FOXN3: variants seen among roughly 807,000 people sequenced by gnomAD.
FOXN3 encodes forkhead box protein N3.
FOXN3 carries 7 observed loss-of-function variants against 38.4 expected under a neutral mutation model. That is an observed-to-expected ratio of 0.18 (90% confidence interval 0.10 to 0.34). The LOEUF (loss-of-function observed/expected upper bound fraction) is 0.34. Ranked by LOEUF, FOXN3 falls within the 10% of genes least tolerant of loss-of-function variation. The probability of loss-of-function intolerance (pLI) is 1.00; values close to 1 mark genes in which losing one functional copy is unlikely to be tolerated. For missense variants in FOXN3, 456 were observed against 613.4 expected (o/e 0.74, Z 2.71); for synonymous variants, 230 against 242.2 (o/e 0.95, Z 0.47).
intron 1 of FOXN3, among the ~76,000 whole-genome samples, chr14:89,470,587 A>C (rs541436562): frequency 6.6e-6 from 1 of 152,318 alleles, no homozygotes; most frequent in African/African-American, 2.4e-5. Flanking sequence ...TCTCTCTGAG[A>C]TATTTTTTAT....
chr14:89,325,342 A>ACTACCACTACCACCACCG (rs1888041504), intron 3 of FOXN3, among the ~76,000 whole-genome samples: 1 of 133,840 alleles, frequency 7.5e-6, no homozygotes, highest in African/African-American at 2.7e-5. Context: ...CACCACCACC[A>ACTACCACTACCACCACCG]CCACCACCAC....
At chr14:89,353,029 G>A (rs1280896134) in intron 2 of FOXN3, among the ~76,000 whole-genome samples, 1 of 152,150 alleles carries the variant, frequency 6.6e-6, no homozygotes, top group Non-Finnish European at 1.5e-5. Flanking sequence ...CAAAAGCTAA[G>A]CAGAATAAAC....
rs114227298 is a variant in FOXN3 at position 89,224,381 on chromosome 14, G to C, written c.746-43575C>G. ...TAGGCTTATAAATAAAATGAGATCT[G>C]TGAACACCTGTCAAAAGCCTAAGGA... On this transcript the variant is annotated intron_variant, in intron 4 of 5. Coordinates refer to ENST00000557258, the MANE Select transcript of FOXN3 (RefSeq NM_005197.4). Among the ~76,000 whole-genome samples the C allele has an allele frequency of 8.5e-3, 1,297 of 152,300 alleles. 21 individuals carry two copies. Among genetic ancestry groups the C allele is most frequent in the African/African-American group, 0.029 (1,210 of 41,560 alleles).
intron 4 of FOXN3, among the ~76,000 whole-genome samples, chr14:89,203,310 G>A (rs1159480895): frequency 1.3e-5 from 2 of 152,172 alleles, no homozygotes; most frequent in Non-Finnish European, 2.9e-5. Flanking sequence ...TTTAAGAGCA[G>A]TTCAAGCAAA....
intron 1 of FOXN3, among the ~76,000 whole-genome samples, chr14:89,545,099 T>C (rs377498500): frequency 1.0e-3 from 158 of 152,326 alleles, no homozygotes; most frequent in African/African-American, 3.7e-3. Flanking sequence ...TTCCCAGGGT[T>C]CTGGAATGAA....
At chr14:89,330,855 T>C (rs74715373) in intron 3 of FOXN3, among the ~76,000 whole-genome samples, 3,008 of 152,306 alleles carry the variant, frequency 0.02, 80 homozygotes, top group African/African-American at 0.066. Context: ...GTCGGTTCCA[T>C]GGATTCCTAA....
chr14:89,566,083 G>A (rs144611069), intron 1 of FOXN3, among the ~76,000 whole-genome samples: 201 of 152,270 alleles, frequency 1.3e-3, no homozygotes, highest in African/African-American at 4.3e-3. Context: ...ATTCCTGGCC[G>A]GTGGGCTCCT....
chr14:89,457,677 C>T (rs145548080), intron 1 of FOXN3, among the ~76,000 whole-genome samples: 2,546 of 152,312 alleles, frequency 0.017, 40 homozygotes, highest in Middle Eastern at 0.054. Flanking sequence ...GTCCCCTGTT[C>T]TCCCATTTTC....
intron 3 of FOXN3, among the ~76,000 whole-genome samples, chr14:89,282,428 A>G (rs1886493350): frequency 6.6e-6 from 1 of 152,176 alleles, no homozygotes; most frequent in African/African-American, 2.4e-5. Flanking sequence ...ACCGGACTGG[A>G]GTCTCAGGAT....
intron 2 of FOXN3, among the ~76,000 whole-genome samples, chr14:89,354,582 C>T (rs371580334): frequency 2.1e-4 from 31 of 146,286 alleles, no homozygotes; most frequent in South Asian, 2.3e-4. Flanking sequence ...AGGCCAGGTG[C>T]GGTGGCTCAT....
At chr14:89,573,910 G>T (rs1193654827) in intron 1 of FOXN3, among the ~76,000 whole-genome samples, 1 of 151,954 alleles carries the variant, frequency 6.6e-6, no homozygotes, top group Non-Finnish European at 1.5e-5. Context: ...GGGCACCTGT[G>T]GTCCCAGCTA....
At chr14:89,344,229 T>A (rs1367856531) in intron 3 of FOXN3, among the ~76,000 whole-genome samples, 2 of 150,760 alleles carry the variant, frequency 1.3e-5, no homozygotes, top group East Asian at 3.9e-4. Flanking sequence ...ATTTTTACAT[T>A]GAAAATTTTA....
At chr14:89,487,994 T>G (rs1401010470) in intron 1 of FOXN3, among the ~76,000 whole-genome samples, 1 of 151,842 alleles carries the variant, frequency 6.6e-6, no homozygotes, top group African/African-American at 2.4e-5. Context: ...GGGCACGGGG[T>G]AACCAGGTCT....
At chr14:89,515,218 C>T (rs964622906) in intron 1 of FOXN3, among the ~76,000 whole-genome samples, 17 of 151,966 alleles carry the variant, frequency 1.1e-4, no homozygotes, top group African/African-American at 4.1e-4. Context: ...CCACCACGCC[C>T]GGCCAAGAAT....
intron 3 of FOXN3, among the ~76,000 whole-genome samples, chr14:89,304,384 C>A (rs1259448437): frequency 6.6e-6 from 1 of 152,096 alleles, no homozygotes; most frequent in Non-Finnish European, 1.5e-5. Flanking sequence ...GTGAGCAGAA[C>A]CGCGGTGAAG....
intron 4 of FOXN3, among the ~76,000 whole-genome samples, chr14:89,249,113 AG>A (rs1885378385): frequency 6.6e-6 from 1 of 152,234 alleles, no homozygotes; most frequent in African/African-American, 2.4e-5. Flanking sequence ...TAAGTATTTC[AG>A]GGGCTCATTC....
chr14:89,273,500 T>C (rs1000313760), intron 4 of FOXN3, among the ~76,000 whole-genome samples: 1 of 152,206 alleles, frequency 6.6e-6, no homozygotes, highest in African/African-American at 2.4e-5. Context: ...GACTGGTATT[T>C]TCCCAGATTC....
At chr14:89,410,183 G>C (rs1245259935) in intron 2 of FOXN3, among the ~76,000 whole-genome samples, 1 of 151,960 alleles carries the variant, frequency 6.6e-6, no homozygotes, top group Non-Finnish European at 1.5e-5. Context: ...GAGCAATACG[G>C]TTGGCCACTT....
chr14:89,614,134 A>T (rs1896448357), intron 1 of FOXN3, among the ~76,000 whole-genome samples: 2 of 152,250 alleles, frequency 1.3e-5, no homozygotes, highest in Non-Finnish European at 2.9e-5. Flanking sequence ...CTCAACACTC[A>T]AAACACTACT....
Sources: gnomAD v4.1 joint callset for allele counts (sites outside exome capture counted in the v4.1 genomes callset) on GRCh38, gnomAD v4.1.1 for gene constraint, MANE v1.5 for transcripts, NCBI Gene and HGNC (gene_info 2026-07-23, HGNC 2026-07-21) for gene names.